TSPAN18: variants seen among roughly 807,000 people sequenced by gnomAD.
TSPAN18 encodes tetraspanin 18.
In TSPAN18, 14 loss-of-function variants were observed where a neutral mutation model predicts 27.3. The ratio of observed to expected loss-of-function variants is 0.51; its 90% CI spans 0.34 to 0.80. The LOEUF (loss-of-function observed/expected upper bound fraction) is 0.80, where lower values mean the gene tolerates loss of function less well. TSPAN18 is among the 30% of genes least tolerant of loss of function. TSPAN18 has a pLI of 0.01. For synonymous variants in TSPAN18, 143 were observed against 136.5 expected (o/e 1.05, Z -0.33); for missense variants, 268 against 323.9 (o/e 0.83, Z 1.32).
upstream of TSPAN18, chr11:44,726,635 G>C (rs973547608): frequency 7.2e-5 from 11 of 151,894 alleles, no homozygotes; most frequent in Admixed American, 2.0e-4. Context: ...TTCGGGTCCA[G>C]CATGCCCCTC....
intron 4 of TSPAN18, among the ~76,000 whole-genome samples, chr11:44,908,758 G>GAAAGGAAGGAAAGAA (rs1554938001): frequency 1.6e-5 from 1 of 61,900 alleles, no homozygotes. Context: ...GAGAGAGAGA[G>GAAAGGAAGGAAAGAA]AGAGAGAAAG....
At chr11:44,766,756 A>C (rs546288002) in intron 2 of TSPAN18, among the ~76,000 whole-genome samples, 1 of 152,234 alleles carries the variant, frequency 6.6e-6, no homozygotes, top group Non-Finnish European at 1.5e-5. Context: ...ACAAAGCAAC[A>C]GGCAGAGAGG....
rs114973567 is a variant in TSPAN18, at chr11:44,753,124, C to T, written c.-239-11302C>T. Among the ~76,000 whole-genome samples, 506 of 152,114 alleles carry T rather than the reference C, an allele frequency of 3.3e-3. 3 individuals carry two copies. The highest frequency in any genetic ancestry group is 0.012 in the African/African-American group (485 of 41,512). On this transcript the variant is annotated intron_variant, in intron 1 of 9. Coordinates refer to ENST00000520358, the MANE Select transcript of TSPAN18 (RefSeq NM_130783.5). ...TCACCTTTCTCACTTGATATTATAG[C>T]GCATCCATTTTCTTTTCTTTTTGAG...
At chr11:44,848,332 C>T (rs1857526882) in intron 2 of TSPAN18, among the ~76,000 whole-genome samples, 1 of 152,190 alleles carries the variant, frequency 6.6e-6, no homozygotes, top group African/African-American at 2.4e-5. Context: ...AACCAGGCCC[C>T]TTCCTGCTCT....
chr11:44,764,180 C>T (rs149382104), intron 1 of TSPAN18, among the ~76,000 whole-genome samples: 62 of 152,302 alleles, frequency 4.1e-4, no homozygotes, highest in Non-Finnish European at 2.8e-4. Context: ...ATCTAATCAC[C>T]TCCCACCTGC....
chr11:44,745,799 G>T (rs934371025), intron 1 of TSPAN18, among the ~76,000 whole-genome samples: 1 of 152,140 alleles, frequency 6.6e-6, no homozygotes, highest in Admixed American at 6.6e-5. Context: ...AGGCCGAGGC[G>T]GGTGGATCAC....
At chr11:44,823,319 G>C (rs749030993) in intron 2 of TSPAN18, among the ~76,000 whole-genome samples, 1 of 152,190 alleles carries the variant, frequency 6.6e-6, no homozygotes. Flanking sequence ...AAAGGGTGAG[G>C]ATGGGTGGAG....
chr11:44,849,454 C>T (rs986392363), intron 2 of TSPAN18, among the ~76,000 whole-genome samples: 4 of 152,192 alleles, frequency 2.6e-5, no homozygotes. Context: ...CATGAATGGC[C>T]TCTCAGACAT....
intron 9 of TSPAN18, 84 bp from the exon 10 acceptor site, chr11:44,929,047 C>T: frequency 2.6e-6 from 4 of 1,560,584 alleles, no homozygotes; most frequent in Non-Finnish European, 3.5e-6. Flanking sequence ...CAGGCATTCA[C>T]TCCCCTTCCC....
intron 2 of TSPAN18, among the ~76,000 whole-genome samples, chr11:44,854,629 G>A (rs1052314455): frequency 2.6e-5 from 4 of 152,232 alleles, no homozygotes; most frequent in East Asian, 1.9e-4. Flanking sequence ...CTGAGGCCCC[G>A]GTACCAGCAC....
At chr11:44,861,402 G>A (rs1857879303) in intron 3 of TSPAN18, among the ~76,000 whole-genome samples, 1 of 147,836 alleles carries the variant, frequency 6.8e-6, no homozygotes, top group Admixed American at 6.8e-5. Context: ...TTGGTGGGGT[G>A]CGGGTGGTGC....
At chr11:44,859,342 A>G (rs1419861100) in intron 2 of TSPAN18, among the ~76,000 whole-genome samples, 1 of 152,214 alleles carries the variant, frequency 6.6e-6, no homozygotes, top group African/African-American at 2.4e-5. Flanking sequence ...CTTAACATTT[A>G]TTGAGCAATT....
chr11:44,754,549 C>T (rs529590053), intron 1 of TSPAN18, among the ~76,000 whole-genome samples: 9 of 152,208 alleles, frequency 5.9e-5, no homozygotes, highest in Non-Finnish European at 1.0e-4. Context: ...GTGCTTGTAA[C>T]CTTTGAAAGC....
chr11:44,852,358 A>G (rs184228995), intron 2 of TSPAN18, among the ~76,000 whole-genome samples: 19 of 152,334 alleles, frequency 1.2e-4, no homozygotes, highest in Admixed American at 7.2e-4. Flanking sequence ...CATTTTACAA[A>G]TAAGAATTGA....
intron 1 of TSPAN18, among the ~76,000 whole-genome samples, chr11:44,743,978 T>A (rs756107919): frequency 2.0e-4 from 31 of 152,258 alleles, no homozygotes; most frequent in Non-Finnish European, 4.0e-4. Flanking sequence ...TTTTGTTTTT[T>A]AATTTCCAGT....
At chr11:44,895,105 G>A (rs1858995682) in intron 3 of TSPAN18, among the ~76,000 whole-genome samples, 2 of 152,192 alleles carry the variant, frequency 1.3e-5, no homozygotes, top group Non-Finnish European at 2.9e-5. Flanking sequence ...TCTGGTACAT[G>A]GTAAAACCTC....
chr11:44,927,801 A>C (rs921064540), intron 9 of TSPAN18, among the ~76,000 whole-genome samples: 6 of 152,060 alleles, frequency 3.9e-5, no homozygotes, highest in African/African-American at 9.7e-5. Context: ...CCTCTCTCCA[A>C]ATGCAGGATG....
intron 1 of TSPAN18, among the ~76,000 whole-genome samples, chr11:44,747,426 G>C (rs141214205): frequency 1.6e-4 from 25 of 152,176 alleles, no homozygotes; most frequent in African/African-American, 5.8e-4. Context: ...GAAAATGGGC[G>C]TGAATCATAG....
At chr11:44,765,062 A>G (rs978435303) in intron 2 of TSPAN18, among the ~76,000 whole-genome samples, 2 of 152,198 alleles carry the variant, frequency 1.3e-5, no homozygotes, top group African/African-American at 4.8e-5. Flanking sequence ...TGAGCTGACC[A>G]TGATTCTGGG....
Sources: allele counts gnomAD v4.1 joint callset (sites outside exome capture counted in the v4.1 genomes callset), GRCh38; gene constraint gnomAD v4.1.1; transcripts MANE v1.5; gene names NCBI Gene and HGNC (gene_info 2026-07-23, HGNC 2026-07-21).